TCF25: variants seen among roughly 807,000 people sequenced by gnomAD.
TCF25 encodes the protein ribosome quality control complex subunit TCF25.
Under a neutral mutation model 83.1 loss-of-function variants are expected in TCF25, and 41 were observed. That is an observed-to-expected ratio of 0.49 (90% CI 0.38 to 0.64). TCF25 has a LOEUF of 0.64. Among genes scored for constraint, TCF25 ranks in the 30% least tolerant of loss-of-function variants. The probability of loss-of-function intolerance (pLI) is 0.00; values close to 1 mark genes in which losing one functional copy is unlikely to be tolerated. For synonymous variants in TCF25, 458 were observed against 365.0 expected, an observed-to-expected ratio of 1.25 and a Z score of -2.90; for missense variants, 979 against 914.5, an observed-to-expected ratio of 1.07 and a Z score of -0.91.
intron 13 of TCF25, 24 bp from the exon 14 acceptor site, chr16:89,904,914 C>A: frequency 6.3e-7 from 1 of 1,593,582 alleles, no homozygotes; most frequent in South Asian, 1.1e-5. Flanking sequence ...AGGGGTTCTG[C>A]TCAGAGCCCT....
intron 12 of TCF25, among the ~76,000 whole-genome samples, chr16:89,901,327 C>T (rs1435512975): frequency 6.6e-6 from 1 of 152,170 alleles, no homozygotes; most frequent in African/African-American, 2.4e-5. Context: ...TGCCTGACAG[C>T]ATGTGTGAAA....
intron 8 of TCF25, 105 bp from the exon 9 acceptor site, chr16:89,895,885 C>A: frequency 9.9e-7 from 1 of 1,012,492 alleles, no homozygotes; most frequent in Non-Finnish European, 1.5e-6. Flanking sequence ...ACTCTAGTTT[C>A]GTGACCTTCC....
rs2043485367 is a variant in TCF25, at chr16:89,892,205, A to T, written c.627A>T (p.Arg209Ser). The T allele has an allele frequency of 6.2e-7, 1 of 1,611,454 alleles. No individual in the cohort carries two copies. The highest frequency in any genetic ancestry group is 2.2e-5 in the East Asian group (1 of 44,662). Reference sequence around the variant, plus strand: ...CCGTTCTCCCCAGGCCACGGCAGAGACAACGTGTGTACCCCAAGTGCACAT... The same window carrying T: ...CCGTTCTCCCCAGGCCACGGCAGAGTCAACGTGTGTACCCCAAGTGCACAT... ...AILGEQRPRQ[R>S]QRVYPKCTWL... Residue 209 changes from arginine (R) to serine (S), a missense_variant, in exon 6 of 18, where the codon AGA becomes AGT. Arg to Ser is a moderately radical substitution (Grantham distance 110). Coordinates refer to ENST00000263346, the MANE Select transcript of TCF25 (RefSeq NM_014972.3).
rs2044914703 is a variant in TCF25, at chr16:89,907,388, A to ACCTCCCTCCTCCCTCCTCCCAGCTCCTG, written c.1799+66_1799+67insCCTCCCTCCTCCCTCCTCCCAGCTCCTG. On this transcript the variant is annotated intron_variant, in intron 16 of 17. Transcript: ENST00000263346. ...TCCCTCCTCCCAGTTCCCAGCTCCC[A>ACCTCCCTCCTCCCTCCTCCCAGCTCCTG]GCTCCCACCTCCCAGCTCCAACCTT... is the stretch of plus-strand genomic sequence containing the variant. 134 of 499,078 alleles carry ACCTCCCTCCTCCCTCCTCCCAGCTCCTG rather than the reference A, an allele frequency of 2.7e-4. 8 individuals carry two copies. Among genetic ancestry groups the ACCTCCCTCCTCCCTCCTCCCAGCTCCTG allele is most frequent in the African/African-American group, 1.7e-3 (25 of 14,394 alleles). 30.9% of individuals were successfully genotyped at this position (499,078 alleles called of 1,614,324 possible).
intron 16 of TCF25, among the ~76,000 whole-genome samples, chr16:89,907,644 C>T (rs1267809194): frequency 9.9e-5 from 13 of 130,802 alleles, no homozygotes; most frequent in Middle Eastern, 4.1e-3. Context: ...CATCCTAGTT[C>T]CCACCTCCCA....
chr16:89,882,484 C>A (rs2042681939), intron 1 of TCF25, among the ~76,000 whole-genome samples: 1 of 152,188 alleles, frequency 6.6e-6, no homozygotes, highest in Non-Finnish European at 1.5e-5. Context: ...CTGCAGTGAG[C>A]CAAGATCACA....
At chr16:89,892,156 A>G (rs763867143) in intron 5 of TCF25, 37 bp from the exon 6 acceptor site, 23 of 1,559,000 alleles carry the variant, frequency 1.5e-5, no homozygotes, top group Non-Finnish European at 1.9e-5. Flanking sequence ...CACACGCCAC[A>G]GGAAGTAAAG....
In TCF25 at chr16:89,885,880, A is replaced by G. The variant is rs758497396; in HGVS notation, c.462A>G (p.Leu154=). ...GACTAGAAGATATCGATCGCATCCTAGAGAGGATTGAGGACAGCACTGGGT... is the reference window on the plus strand; with the variant it reads ...GACTAGAAGATATCGATCGCATCCTGGAGAGGATTGAGGACAGCACTGGGT... ...ENGLEDIDRI[L]ERIEDSTGLN... The change falls in exon 4 of 18, where the codon CTA becomes CTG. Residue 154 remains leucine (L), a synonymous_variant. Transcript: ENST00000263346. The G allele has an allele frequency of 1.2e-6, 2 of 1,614,124 alleles. No individual in the cohort carries two copies. Among genetic ancestry groups the G allele is most frequent in the Non-Finnish European group, 1.7e-6 (2 of 1,179,994 alleles).
intron 9 of TCF25, among the ~76,000 whole-genome samples, chr16:89,896,851 G>C (rs1378427007): frequency 6.6e-6 from 1 of 152,122 alleles, no homozygotes; most frequent in Non-Finnish European, 1.5e-5. Context: ...ACCGCGCCCG[G>C]CCACTACAGA....
At chr16:89,884,412 G>C (rs911589991) in intron 2 of TCF25, among the ~76,000 whole-genome samples, 170 bp from the exon 3 acceptor site, 1 of 152,148 alleles carries the variant, frequency 6.6e-6, no homozygotes, top group African/African-American at 2.4e-5. Flanking sequence ...GGCTCGGAGA[G>C]GTGGGAAGGT....
At chr16:89,895,252 T>A in intron 8 of TCF25, 115 bp downstream of exon 8, 1 of 958,814 alleles carries the variant, frequency 1.0e-6, no homozygotes, top group Non-Finnish European at 1.6e-6. Context: ...ACAGCTTTAT[T>A]GAGATACAAC....
At position 89,900,635 on chromosome 16, in the gene TCF25, G is replaced by A. The variant is rs369976499; in HGVS notation, c.1222G>A (p.Ala408Thr). The A allele has an allele frequency of 6.3e-7, 1 of 1,585,820 alleles. No homozygotes were observed. Among genetic ancestry groups the A allele is most frequent in the East Asian group, 2.3e-5 (1 of 44,086 alleles). The change falls in exon 12 of 18, where the codon GCT (alanine) becomes ACT (threonine). Residue 408 changes from alanine to threonine, a missense_variant and splice_region_variant. Transcript: ENST00000263346. Reference protein sequence around the residue: ...YLIRLFQEWEAHRNLSQLPNF... With the variant: ...YLIRLFQEWETHRNLSQLPNF... ...CGCTCTGTTTCTTCGTCCCTCGTAGGCTCATCGGAACCTGTCCCAGCTCCC... is the reference window on the plus strand; with the variant it reads ...CGCTCTGTTTCTTCGTCCCTCGTAGACTCATCGGAACCTGTCCCAGCTCCC...
intron 7 of TCF25, 127 bp downstream of exon 7, chr16:89,893,985 AG>A: frequency 7.1e-7 from 1 of 1,400,072 alleles, no homozygotes; most frequent in East Asian, 2.5e-5. Flanking sequence ...GAAGGGTGCC[AG>A]TCTCTGCAGG....
chr16:89,909,818 G>A (rs1367861881), intron 16 of TCF25: 1 of 152,520 alleles, frequency 6.6e-6, no homozygotes, highest in Non-Finnish European at 1.5e-5. Flanking sequence ...GATGTGCCGA[G>A]GCCCTGTGCC....
At chr16:89,899,448 T>A (rs1240544167) in intron 11 of TCF25, among the ~76,000 whole-genome samples, 1 of 152,152 alleles carries the variant, frequency 6.6e-6, no homozygotes, top group African/African-American at 2.4e-5. Context: ...AAATTTAAAT[T>A]GGGCCGGGCA....
chr16:89,880,627 G>T (rs2042539955), intron 1 of TCF25, among the ~76,000 whole-genome samples: 1 of 152,106 alleles, frequency 6.6e-6, no homozygotes, highest in Non-Finnish European at 1.5e-5. Context: ...TGTGGCGTGT[G>T]CCTGTAGTCC....
intron 11 of TCF25, 76 bp downstream of exon 11, chr16:89,898,948 G>T (rs2044105255): frequency 7.1e-7 from 1 of 1,405,822 alleles, no homozygotes; most frequent in African/African-American, 1.4e-5. Context: ...TTCAGTATCT[G>T]TGCGCTCAGG....
At chr16:89,899,596 T>G (rs2044156199) in intron 11 of TCF25, among the ~76,000 whole-genome samples, 1 of 151,956 alleles carries the variant, frequency 6.6e-6, no homozygotes, top group Admixed American at 6.6e-5. Context: ...GGCGTGGTGG[T>G]GCATGCCTGT....
At chr16:89,880,591 GAAAA>G (rs1205020865) in intron 1 of TCF25, among the ~76,000 whole-genome samples, 2 of 141,392 alleles carry the variant, frequency 1.4e-5, no homozygotes, top group East Asian at 2.1e-4. Flanking sequence ...CTCAAAAAAA[GAAAA>G]AAAAAAAAGT....
Sources: gnomAD v4.1 joint callset for allele counts (sites outside exome capture counted in the v4.1 genomes callset) on GRCh38, gnomAD v4.1.1 for gene constraint, MANE v1.5 for transcripts, NCBI Gene and HGNC (gene_info 2026-07-23, HGNC 2026-07-21) for gene names.